Variants in GREB1 observed in about 807,000 individuals in gnomAD.
GREB1 encodes the protein growth regulating estrogen receptor binding 1, also known as protein GREB1.
Under a neutral mutation model 200.7 loss-of-function variants are expected in GREB1, and 106 were observed. That is an observed-to-expected ratio of 0.53 (90% CI 0.45 to 0.62). GREB1 has a LOEUF of 0.62. Ranked by LOEUF, GREB1 falls within the 20% of genes least tolerant of loss-of-function variation. The pLI is 0.00. For synonymous variants in GREB1, 1,132 were observed against 1,092.4 expected (o/e 1.04, Z -0.72); for missense variants, 2,243 against 2,556.8 (o/e 0.88, Z 2.65).
rs1255171218 is a variant in GREB1, at chr2:11,627,075, CA to C, written c.4421del (p.Gln1474ArgfsTer26). On this transcript the variant is annotated frameshift_variant, in exon 25 of 33. Transcript: ENST00000381486. LOFTEE classifies it high-confidence loss of function. ...TTACCACCACTGTGAGCAGTGCCAC[CA>C]GTACATGGGCTTCCACCCCCGCTAC... ...NTYHHCEQCH[Q>X]YMGFHPRYQL... The C allele has an allele frequency of 6.2e-7, 1 of 1,611,392 alleles. No homozygotes were observed. Among genetic ancestry groups the C allele is most frequent in the African/African-American group, 1.3e-5 (1 of 74,968 alleles).
At chr2:11,602,653 C>A in intron 17 of GREB1, 111 bp downstream of exon 17, 2 of 870,826 alleles carry the variant, frequency 2.3e-6, no homozygotes, top group South Asian at 1.5e-5. Context: ...CCTTCCTGAG[C>A]AACTCAGTTT....
intron 1 of GREB1, among the ~76,000 whole-genome samples, chr2:11,544,368 C>A (rs1385323838): frequency 6.6e-6 from 1 of 152,070 alleles, no homozygotes; most frequent in Admixed American, 6.6e-5. Flanking sequence ...AGGCTCCCAC[C>A]ACCATGCCTG....
intron 21 of GREB1, among the ~76,000 whole-genome samples, chr2:11,617,035 G>A (rs571638505): frequency 1.1e-4 from 16 of 152,336 alleles, no homozygotes; most frequent in Non-Finnish European, 1.8e-4. Context: ...GGGTCCCCGG[G>A]TGTTCTCCCT....
chr2:11,614,125 ATTTTT>A (rs34678522), intron 19 of GREB1, among the ~76,000 whole-genome samples: 13 of 99,546 alleles, frequency 1.3e-4, no homozygotes, highest in African/African-American at 3.7e-4. Context: ...GCGGACTTAG[ATTTTT>A]TTTTTTTTTT....
At chr2:11,636,424 T>C (rs13017814) in intron 30 of GREB1, among the ~76,000 whole-genome samples, 35,989 of 152,218 alleles carry the variant, frequency 0.24, 4,625 homozygotes, top group East Asian at 0.4. Context: ...TGTTTGATTG[T>C]ATATTGGTTA....
rs1680641768 is a variant in GREB1 at position 11,590,705 on chromosome 2, G to A, written c.1345+1774G>A. On this transcript the variant is annotated intron_variant, in intron 10 of 32. Transcript: ENST00000381486. The stretch of plus-strand genomic sequence containing the variant: ...TTTAAGTGTGTCTCCCCCAGCTAGG[G>A]TGTAAGCTCCATGAGGCCAGGCATG... Among the ~76,000 whole-genome samples, 3 of 152,152 alleles carry A rather than the reference G, an allele frequency of 2.0e-5. 1 individual carries two copies. The South Asian group carries it at 6.2e-4, about 32-fold the overall frequency.
At chr2:11,546,569 T>A (rs1465080399) in intron 1 of GREB1, among the ~76,000 whole-genome samples, 2 of 152,232 alleles carry the variant, frequency 1.3e-5, no homozygotes, top group African/African-American at 4.8e-5. Flanking sequence ...TGGTATTTTT[T>A]ATGTGCTCAC....
At chr2:11,614,381 C>A (rs921622906) in intron 19 of GREB1, among the ~76,000 whole-genome samples, 3 of 152,138 alleles carry the variant, frequency 2.0e-5, no homozygotes, top group African/African-American at 7.2e-5. Flanking sequence ...CCCGCCTTCG[C>A]CTCTCAAAGT....
chr2:11,549,152 T>C (rs750756246), intron 1 of GREB1, among the ~76,000 whole-genome samples: 7 of 152,194 alleles, frequency 4.6e-5, no homozygotes, highest in Admixed American at 1.3e-4. Context: ...CTCTGAAAAA[T>C]ATTCTTTGGG....
chr2:11,522,767 G>A lies in GREB1; in HGVS notation c.-158-33690G>A, dbSNP rs147831058. On this transcript the variant is annotated intron_variant, in intron 1 of 2. Transcript: ENST00000628795. ...GAGCATCTTAGCTGTGCAGACTCAG[G>A]GATAGCAATGTCATGGGATGTCTGA... Among the ~76,000 whole-genome samples the A allele has an allele frequency of 5.3e-3, 807 of 152,306 alleles. 4 individuals carry two copies. Among genetic ancestry groups the A allele is most frequent in the Middle Eastern group, 0.031 (9 of 294 alleles).
intron 7 of GREB1, 143 bp from the exon 8 acceptor site, chr2:11,585,018 A>T: frequency 2.0e-6 from 1 of 499,086 alleles, no homozygotes; most frequent in Non-Finnish European, 3.6e-6. Context: ...TAGATATTTC[A>T]CTAGGTCCTT....
At chr2:11,559,664 G>C (rs1490905392) in intron 2 of GREB1, among the ~76,000 whole-genome samples, 1 of 152,208 alleles carries the variant, frequency 6.6e-6, no homozygotes, top group Non-Finnish European at 1.5e-5. Flanking sequence ...TTAGAGACCA[G>C]AGTCGATTTT....
upstream of GREB1, among the ~76,000 whole-genome samples, chr2:11,532,836 A>C (rs1239644326): frequency 6.6e-6 from 1 of 152,174 alleles, no homozygotes. Context: ...GATACTGCTT[A>C]AAGATATCCT....
At position 11,618,900 on chromosome 2, in the gene GREB1, T is replaced by C. The variant is rs1558647452; in HGVS notation, c.4025T>C (p.Leu1342Pro). 2.6e-6 allele frequency: 4 copies of C among 1,534,942 alleles called. No individual in the cohort carries two copies. Among genetic ancestry groups the C allele is most frequent in the East Asian group, 2.3e-5 (1 of 43,298 alleles). ...GACGGCTTCCACCCCCGCAGGCTGC[T>C]GCTCAGCGGCCCCCCTCAGGTGAGT... is the stretch of plus-strand genomic sequence containing the variant. ...RVDGFHPRRL[L>P]LSGPPQIGKT... The change falls in exon 22 of 33, where the codon CTG (leucine) becomes CCG (proline). Residue 1342 changes from leucine (L) to proline (P), a missense_variant. Coordinates refer to ENST00000381486, the MANE Select transcript of GREB1 (RefSeq NM_014668.4).
At chr2:11,507,633 A>T (rs1407259754) in intron 1 of GREB1, among the ~76,000 whole-genome samples, 1 of 152,186 alleles carries the variant, frequency 6.6e-6, no homozygotes, top group Non-Finnish European at 1.5e-5. Flanking sequence ...ATTTTGACTA[A>T]CAAGGGAGTC....
intron 17 of GREB1, among the ~76,000 whole-genome samples, chr2:11,607,450 GTGTGTGTGTGTATATA>G (rs1186008980): frequency 4.0e-5 from 4 of 99,836 alleles, no homozygotes; most frequent in Non-Finnish European, 1.0e-4. Context: ...GTGTGTGTGT[GTGTGTGTGTGTATATA>G]TATATACACA....
chr2:11,617,443 A>G (rs1005317604), intron 21 of GREB1, among the ~76,000 whole-genome samples: 3 of 152,232 alleles, frequency 2.0e-5, no homozygotes, highest in African/African-American at 4.8e-5. Context: ...ACCTCAGGGA[A>G]CGAACTCATT....
Position 11,640,751 on chromosome 2 carries a change from C to T in GREB1, c.*297C>T, listed in dbSNP as rs1345330291. 4 of 350,646 alleles carry T rather than the reference C, an allele frequency of 1.1e-5. No homozygotes were observed. Among genetic ancestry groups the T allele is most frequent in the East Asian group, 6.4e-5 (1 of 15,642 alleles). 21.7% of individuals were successfully genotyped at this position (350,646 alleles called of 1,614,324 possible). A position where few individuals can be genotyped will look rare whatever the true frequency, so the allele number is the denominator to read the frequency against. On this transcript the variant is annotated 3_prime_UTR_variant, in exon 33 of 33. Coordinates refer to ENST00000381486, the MANE Select transcript of GREB1 (RefSeq NM_014668.4). This position sits in a 1 kb window ranked among gnomAD's most constrained non-coding sequence, Gnocchi z 4.6. ...AAGATTTACTTCCTGTCCTGCCATT[C>T]GTGTGCTTCCATGGACAAACCTGAT... is the stretch of plus-strand genomic sequence containing the variant.
At chr2:11,639,852 G>A (rs1685678258) in intron 32 of GREB1, among the ~76,000 whole-genome samples, 1 of 152,158 alleles carries the variant, frequency 6.6e-6, no homozygotes, top group Admixed American at 6.5e-5. Context: ...GCTGGGAGTT[G>A]AGAGGAAGGG....
Sources: allele counts gnomAD v4.1 joint callset (sites outside exome capture counted in the v4.1 genomes callset), GRCh38; gene constraint gnomAD v4.1.1; non-coding constraint Gnocchi (gnomAD v3.1); transcripts MANE v1.5; gene names NCBI Gene and HGNC (gene_info 2026-07-23, HGNC 2026-07-21).